PDGFA: variants seen among roughly 807,000 people sequenced by gnomAD.
PDGFA encodes platelet derived growth factor subunit A.
Under a neutral mutation model 25.6 loss-of-function variants are expected in PDGFA, and 9 were observed. The ratio of observed to expected loss-of-function variants is 0.35; its 90% CI spans 0.21 to 0.61. The LOEUF is 0.61. Ranked by LOEUF, PDGFA falls within the 20% of genes least tolerant of loss-of-function variation. The pLI, the probability that PDGFA is intolerant of heterozygous loss-of-function variation, is 0.75. For synonymous variants in PDGFA, 133 were observed against 111.8 expected, an observed-to-expected ratio of 1.19 and a Z score of -1.20; for missense variants, 242 against 272.8, an observed-to-expected ratio of 0.89 and a Z score of 0.79.
chr7:515,499 G>A (rs35286466), intron 2 of PDGFA, among the ~76,000 whole-genome samples: 61,382 of 151,986 alleles, frequency 0.4, 13,121 homozygotes, highest in Middle Eastern at 0.63. Flanking sequence ...CACACCTGGG[G>A]AGGGGACTGG....
exon 1 of PDGFA, chr7:518,988 G>A: frequency 6.5e-7 from 1 of 1,540,400 alleles, no homozygotes; most frequent in Non-Finnish European, 8.7e-7. Context: ...CAGCAGGCAA[G>A]CCAAGGTCCT....
intron 2 of PDGFA, among the ~76,000 whole-genome samples, chr7:514,333 G>A (rs28529795): frequency 0.25 from 38,166 of 152,140 alleles, 5,772 homozygotes; most frequent in Middle Eastern, 0.39. Context: ...CAGAGAAGAC[G>A]GCAGCCGTGC....
At chr7:509,385 G>A (rs913031528) in intron 4 of PDGFA, among the ~76,000 whole-genome samples, 13 of 152,088 alleles carry the variant, frequency 8.5e-5, no homozygotes, top group African/African-American at 1.9e-4. Context: ...TCAACCTCCC[G>A]ACTCAAGGGA....
chr7:519,462 C>T (rs1458829781), upstream of PDGFA: 36 of 155,468 alleles, frequency 2.3e-4, no homozygotes, highest in South Asian at 7.0e-4. Context: ...ACACCGATCA[C>T]CTGCCTGGAC....
At chr7:508,819 C>T (rs1782679674) in intron 4 of PDGFA, among the ~76,000 whole-genome samples, 1 of 152,016 alleles carries the variant, frequency 6.6e-6, no homozygotes, top group African/African-American at 2.4e-5. Flanking sequence ...CCAGGCCTCA[C>T]AGAAGCTAGA....
intron 5 of PDGFA, 88 bp from the exon 6 acceptor site, chr7:498,662 G>T: frequency 1.6e-6 from 2 of 1,267,522 alleles, no homozygotes; most frequent in Non-Finnish European, 2.3e-6. Context: ...GGAAAACAGG[G>T]TGAAAACATT....
chr7:510,837 G>A, exon 4 of PDGFA: 1 of 1,605,914 alleles, frequency 6.2e-7, no homozygotes, highest in Non-Finnish European at 8.5e-7. Flanking sequence ...GACGCGGGAG[G>A]GCTGGCACTT....
In PDGFA at chr7:517,575, G is replaced by T; in HGVS notation, c.64-85C>A. On this transcript the variant is annotated intron_variant, in intron 1 of 5. Coordinates refer to ENST00000402802, the Ensembl canonical transcript of PDGFA. The surrounding 1 kb of genome is among the most constrained non-coding windows in gnomAD (Gnocchi z 7.4). ...CGGCCGCCAGGAGCGCCGCCGCCCC[G>T]GGCCCGAGGAGACCCCGCGAGCGCC... 2.6e-6 allele frequency: 1 copy of T among 388,760 alleles called. No individual in the cohort carries two copies. The highest frequency in any genetic ancestry group is 3.6e-6 in the Non-Finnish European group (1 of 280,526). The allele number at this position is 388,760 out of a possible 1,614,324, so 24.1% of individuals were successfully genotyped here.
chr7:497,841 T>C (rs1203784177), exon 6 of PDGFA: 2 of 128,544 alleles, frequency 1.6e-5, no homozygotes, highest in African/African-American at 3.0e-5. Flanking sequence ...CTGTGTGTTA[T>C]CGGTGTAAAT....
chr7:504,576 C>G (rs1181006783), intron 4 of PDGFA, among the ~76,000 whole-genome samples: 1 of 152,150 alleles, frequency 6.6e-6, no homozygotes, highest in Non-Finnish European at 1.5e-5. Flanking sequence ...ATCTCCCAGG[C>G]TCGAAGCACC....
chr7:497,969 A>AAAAAAAAAC (rs1583133471), exon 6 of PDGFA: 1 of 133,746 alleles, frequency 7.5e-6, no homozygotes, highest in Non-Finnish European at 1.6e-5. Context: ...CAAAAAAAAA[A>AAAAAAAAAC]AAAACAAAAC....
At chr7:504,166 G>A (rs898127698) in intron 4 of PDGFA, among the ~76,000 whole-genome samples, 2 of 152,154 alleles carry the variant, frequency 1.3e-5, no homozygotes, top group Non-Finnish European at 2.9e-5. Context: ...TGCCACTGGC[G>A]TGGATTCTAA....
At chr7:515,196 C>T (rs1440338901) in intron 2 of PDGFA, among the ~76,000 whole-genome samples, 1 of 152,216 alleles carries the variant, frequency 6.6e-6, no homozygotes, top group Non-Finnish European at 1.5e-5. Context: ...TATAAAGGGA[C>T]TCCGAGGGAA....
rs911556526 is a variant in PDGFA at position 517,001 on chromosome 7, G to T, written c.160+393C>A. 1.3e-5 allele frequency among the ~76,000 whole-genome samples: 2 copies of T among 151,390 alleles called. No homozygotes were observed. The highest frequency in any genetic ancestry group is 3.0e-5 in the Non-Finnish European group (2 of 67,794). Reference sequence around the variant, plus strand: ...GGACCGGGAGCCGCGCCTGCCCTTGGGGCCTCGCTCCGCGGGCTGCCCGCC... The same window carrying T: ...GGACCGGGAGCCGCGCCTGCCCTTGTGGCCTCGCTCCGCGGGCTGCCCGCC... On this transcript the variant is annotated intron_variant, in intron 2 of 5. Transcript: ENST00000402802. The surrounding 1 kb of genome is among the most constrained non-coding windows in gnomAD (Gnocchi z 7.4).
chr7:508,538 C>A (rs1284224122), intron 4 of PDGFA, among the ~76,000 whole-genome samples: 1 of 112,658 alleles, frequency 8.9e-6, no homozygotes, highest in East Asian at 2.8e-4. Flanking sequence ...CCAGCCTGGG[C>A]AACAGAGCAA....
intron 5 of PDGFA, among the ~76,000 whole-genome samples, chr7:499,016 T>C (rs1782210427): frequency 6.6e-6 from 1 of 152,182 alleles, no homozygotes; most frequent in Non-Finnish European, 1.5e-5. Context: ...CCTATGCTGA[T>C]CGTTTAAGAA....
intron 5 of PDGFA, among the ~76,000 whole-genome samples, chr7:498,811 C>A (rs1047167253): frequency 6.6e-6 from 1 of 152,192 alleles, no homozygotes; most frequent in Non-Finnish European, 1.5e-5. Context: ...GTCTAGAGAC[C>A]AAGCCCCATT....
chr7:502,591 T>A (rs1782392002), intron 4 of PDGFA, among the ~76,000 whole-genome samples: 1 of 152,182 alleles, frequency 6.6e-6, no homozygotes, highest in Non-Finnish European at 1.5e-5. Context: ...TGGGTTCCCC[T>A]CTTCGGACTG....
In PDGFA at chr7:516,238, C is replaced by G. The variant is rs1783094704; in HGVS notation, c.160+1156G>C. Among the ~76,000 whole-genome samples, 5 of 150,268 alleles carry G rather than the reference C, an allele frequency of 3.3e-5. No homozygotes were observed. In the South Asian group the frequency reaches 6.5e-4, roughly 19 times the overall value. ...CCTCCGCCCCCGATAAGGATCAGCC[C>G]AGGGATTTCCTGGGTCAAGAAACTA... is the stretch of plus-strand genomic sequence containing the variant. On this transcript the variant is annotated intron_variant, in intron 2 of 5. Coordinates refer to ENST00000402802, the Ensembl canonical transcript of PDGFA.
Sources: gnomAD v4.1 joint callset for allele counts (sites outside exome capture counted in the v4.1 genomes callset) on GRCh38, gnomAD v4.1.1 for gene constraint, Gnocchi (gnomAD v3.1) non-coding constraint, MANE v1.5 for transcripts, NCBI Gene and HGNC (gene_info 2026-07-23, HGNC 2026-07-21) for gene names.